The following CYP20A1 variants were observed in gnomAD, a reference collection of about 807,000 sequenced individuals.
The protein encoded by CYP20A1 is cytochrome P450 20A1.
CYP20A1 carries 61 observed loss-of-function variants against 61.4 expected under a neutral mutation model. The observed-to-expected ratio is 0.99, with a 90% CI of 0.81 to 1.23. The LOEUF is 1.23. Among genes scored for constraint, CYP20A1 ranks in the 50% most tolerant of loss-of-function variants. The pLI, the probability that CYP20A1 is intolerant of heterozygous loss-of-function variation, is 0.00. For missense variants in CYP20A1, 530 were observed against 542.4 expected (o/e 0.98, Z 0.23); for synonymous variants, 193 against 188.2 (o/e 1.03, Z -0.21).
chr2:203,257,760 G>A (rs1381056329), intron 4 of CYP20A1, among the ~76,000 whole-genome samples: 3 of 151,654 alleles, frequency 2.0e-5, no homozygotes. Context: ...CTGCACACCA[G>A]CCCAGGCAAC....
chr2:203,288,286 G>A (rs148163746), intron 9 of CYP20A1, among the ~76,000 whole-genome samples: 2 of 151,430 alleles, frequency 1.3e-5, no homozygotes, highest in South Asian at 2.1e-4. Flanking sequence ...GGCTGGTCTC[G>A]AACTCCTGGC....
Position 203,289,796 on chromosome 2 carries a change from C to G in CYP20A1, c.1003C>G (p.Arg335Gly), listed in dbSNP as rs779315223. The change falls in exon 10 of 13, where the codon CGA (arginine) becomes GGA (glycine). Residue 335 changes from arginine (R) to glycine (G), a missense_variant. By Grantham distance (125) the Arg-to-Gly change is moderately radical (BLOSUM62 -2). Transcript: ENST00000356079. ...YCQHVLCETVRTAKLTPVSAQ... is the reference protein window; with the variant it reads ...YCQHVLCETVGTAKLTPVSAQ... ...TCAGCATGTGCTTTGTGAAACTGTT[C>G]GAACTGCCAAACTGACTCCAGTTTC... 3.8e-6 allele frequency: 6 copies of G among 1,588,936 alleles called. No individual in the cohort carries two copies. The highest frequency in any genetic ancestry group is 5.1e-6 in the Non-Finnish European group (6 of 1,167,174).
In CYP20A1 at chr2:203,245,880, C is replaced by T. The variant is rs1445249108; in HGVS notation, c.107C>T (p.Thr36Ile). Residue 36 changes from threonine to isoleucine, a missense_variant, in exon 2 of 13, where the codon ACT becomes ATT. Physicochemically the swap from Thr to Ile is moderately conservative, Grantham distance 89. Coordinates refer to ENST00000356079, the MANE Select transcript of CYP20A1 (RefSeq NM_177538.3). ...CAAGCTGCAGGAATTCCAGGGATTA[C>T]TCCAACTGAAGAAAAGTGAGTAATT... ...SRQAAGIPGITPTEEKDGNLP... is the reference protein window; with the variant it reads ...SRQAAGIPGIIPTEEKDGNLP... The T allele has an allele frequency of 6.2e-7, 1 of 1,600,108 alleles. No homozygotes were observed. Among genetic ancestry groups the T allele is most frequent in the South Asian group, 1.1e-5 (1 of 89,330 alleles).
At chr2:203,239,273 G>T in intron 1 of CYP20A1, 139 bp downstream of exon 1, 1 of 710,742 alleles carries the variant, frequency 1.4e-6, no homozygotes, top group South Asian at 1.6e-5. Context: ...GAGCTTCAGC[G>T]CGGGGACCGC....
At chr2:203,292,382 T>A in intron 11 of CYP20A1, 56 bp downstream of exon 11, 1 of 1,295,818 alleles carries the variant, frequency 7.7e-7, no homozygotes, top group Non-Finnish European at 1.1e-6. Flanking sequence ...TTGCACGTTT[T>A]GCATTCCTTT....
At chr2:203,267,465 C>G (rs2067372506) in intron 5 of CYP20A1, among the ~76,000 whole-genome samples, 1 of 148,458 alleles carries the variant, frequency 6.7e-6, no homozygotes, top group Non-Finnish European at 1.5e-5. Flanking sequence ...ACCCAGGTGG[C>G]AGAGGTTATA....
chr2:203,272,303 G>A (rs1575224022), intron 5 of CYP20A1, among the ~76,000 whole-genome samples: 1 of 152,228 alleles, frequency 6.6e-6, no homozygotes, highest in East Asian at 1.9e-4. Flanking sequence ...AACACTTTGG[G>A]AGACTGAGAT....
chr2:203,296,573 A>G lies in CYP20A1; in HGVS notation c.1238+10A>G. 6.3e-7 allele frequency: 1 copy of G among 1,590,952 alleles called. No homozygotes were observed. Among genetic ancestry groups the G allele is most frequent in the Non-Finnish European group, 8.6e-7 (1 of 1,162,274 alleles). ...AGTGTCCAGAGTTGAGGTGAATAATAGAATGCCAGACTCTGTTCTTAGAAT... is the reference window on the plus strand; with the variant it reads ...AGTGTCCAGAGTTGAGGTGAATAATGGAATGCCAGACTCTGTTCTTAGAAT... On this transcript the variant is annotated intron_variant, in intron 12 of 12. Coordinates refer to ENST00000356079, the MANE Select transcript of CYP20A1 (RefSeq NM_177538.3).
chr2:203,291,816 T>G (rs940954924), intron 10 of CYP20A1, among the ~76,000 whole-genome samples: 3 of 152,174 alleles, frequency 2.0e-5, no homozygotes, highest in Admixed American at 6.6e-5. Context: ...CTCCTAATGC[T>G]ATCCCTCCCC....
Position 203,297,090 on chromosome 2 carries a change from T to TTAC in CYP20A1, c.*184_*186dup. ...TCTTAATTCATTGTACACATTTGAC[T>TTAC]TACTGCACAGTATATTGATCATTTT... On this transcript the variant is annotated 3_prime_UTR_variant, in exon 13 of 13. Coordinates refer to ENST00000356079, the MANE Select transcript of CYP20A1 (RefSeq NM_177538.3). 1 of 462,868 alleles carries TTAC rather than the reference T, an allele frequency of 2.2e-6. No individual in the cohort carries two copies. Among genetic ancestry groups the TTAC allele is most frequent in the Admixed American group, 3.9e-5 (1 of 25,416 alleles). The allele number at this position is 462,868 out of a possible 1,614,324, so 28.7% of individuals were successfully genotyped here.
rs191724357 is a variant in CYP20A1, at chr2:203,297,742, C to G, written c.*834C>G. The G allele has an allele frequency of 2.0e-5, 3 of 152,038 alleles. No homozygotes were observed. Among genetic ancestry groups the G allele is most frequent in the Admixed American group, 2.0e-4 (3 of 15,232 alleles). 9.4% of individuals were successfully genotyped at this position (152,038 alleles called of 1,614,324 possible). On this transcript the variant is annotated 3_prime_UTR_variant, in exon 13 of 13. Coordinates refer to ENST00000356079, the MANE Select transcript of CYP20A1 (RefSeq NM_177538.3). ...CCTGTAATCCCAGTACTTTGGGAGG[C>G]TGAGGCGGGTGGAGCACCTGAGGTC... is the stretch of plus-strand genomic sequence containing the variant.
chr2:203,239,677 G>A (rs1300433916), intron 1 of CYP20A1, among the ~76,000 whole-genome samples: 1 of 152,164 alleles, frequency 6.6e-6, no homozygotes, highest in Non-Finnish European at 1.5e-5. Flanking sequence ...CCAGGCAAAT[G>A]CTTCTTTGGG....
chr2:203,263,100 T>G (rs999040535), intron 4 of CYP20A1, among the ~76,000 whole-genome samples: 1 of 152,034 alleles, frequency 6.6e-6, no homozygotes, highest in South Asian at 2.1e-4. Context: ...GCAGTTCTCC[T>G]GCCTCAGCCG....
At chr2:203,249,851 GA>G (rs899293526) in intron 3 of CYP20A1, among the ~76,000 whole-genome samples, 1 of 151,254 alleles carries the variant, frequency 6.6e-6, no homozygotes, top group South Asian at 2.1e-4. Flanking sequence ...TCTCAAAAAA[GA>G]AAAAAAATGC....
chr2:203,242,352 A>G (rs2066282123), intron 1 of CYP20A1, among the ~76,000 whole-genome samples: 1 of 152,170 alleles, frequency 6.6e-6, no homozygotes, highest in Non-Finnish European at 1.5e-5. Context: ...ATTCAGAGAT[A>G]TCAAGTATAG....
rs1179479210 is a variant in CYP20A1, at chr2:203,303,786, G to GA, written c.*6886dup. On this transcript the variant is annotated 3_prime_UTR_variant, in exon 13 of 13. Transcript: ENST00000356079. ...AGCTTCTTGGGAGGCTGAGGCATGA[G>GA]AAAAAAAATAAACCTGGGAGGTGGA... Among the ~76,000 whole-genome samples the GA allele has an allele frequency of 7.1e-6, 1 of 140,466 alleles. No homozygotes were observed. The highest frequency in any genetic ancestry group is 1.5e-5 in the Non-Finnish European group (1 of 66,252). 92.2% of individuals were successfully genotyped at this position (140,466 alleles called of 152,430 possible). A position where few individuals can be genotyped will look rare whatever the true frequency, so the allele number is the denominator to read the frequency against.
In CYP20A1 at chr2:203,298,896, A is replaced by T. The variant is rs1575290843; in HGVS notation, c.*1988A>T. Among the ~76,000 whole-genome samples the T allele has an allele frequency of 6.9e-6, 1 of 145,788 alleles. No individual in the cohort carries two copies. The highest frequency in any genetic ancestry group is 2.5e-5 in the African/African-American group (1 of 39,242). On this transcript the variant is annotated 3_prime_UTR_variant, in exon 13 of 13. Coordinates refer to ENST00000356079, the MANE Select transcript of CYP20A1 (RefSeq NM_177538.3). ...TAAAAATACAAAAAATTATCTGGAC[A>T]TGCTGGCGTGCGCCTGTAGTCTCAG...
In CYP20A1 at chr2:203,300,356, C is replaced by T. The variant is rs1183474683; in HGVS notation, c.*3448C>T. Among the ~76,000 whole-genome samples, 1 of 152,092 alleles carries T rather than the reference C, an allele frequency of 6.6e-6. No individual in the cohort carries two copies. The highest frequency in any genetic ancestry group is 1.5e-5 in the Non-Finnish European group (1 of 68,006). ...AAGTTATTCATTCACTGTTTTTCTT[C>T]ACAGTAAGAATGACAAAAATCTGTG... is the stretch of plus-strand genomic sequence containing the variant. On this transcript the variant is annotated 3_prime_UTR_variant, in exon 13 of 13. Transcript: ENST00000356079.
chr2:203,266,669 G>T lies in CYP20A1; in HGVS notation c.588G>T (p.Lys196Asn), dbSNP rs1322579303. ...ATCAGGAAGTCATTCGCTTCCAGAA[G>T]AATCATGGCACAGTAAGTCTGGGGC... ...EDDQEVIRFQKNHGTVWSEIG... is the reference protein window; with the variant it reads ...EDDQEVIRFQNNHGTVWSEIG... Residue 196 changes from lysine (K) to asparagine (N), a missense_variant, in exon 5 of 13, where the codon AAG (lysine) becomes AAT (asparagine). Lys to Asn is a moderately conservative substitution (Grantham distance 94). Transcript: ENST00000356079. 6.2e-7 allele frequency: 1 copy of T among 1,613,744 alleles called. No individual in the cohort carries two copies. The highest frequency in any genetic ancestry group is 8.5e-7 in the Non-Finnish European group (1 of 1,179,860).
Sources: allele counts gnomAD v4.1 joint callset (sites outside exome capture counted in the v4.1 genomes callset), GRCh38; gene constraint gnomAD v4.1.1; transcripts MANE v1.5; gene names NCBI Gene and HGNC (gene_info 2026-07-23, HGNC 2026-07-21).